Variants in AKAP3 observed in about 807,000 individuals in gnomAD.
The protein encoded by AKAP3 is A-kinase anchoring protein 3.
In AKAP3, 27 loss-of-function variants were observed where a neutral mutation model predicts 57.2. The observed-to-expected ratio is 0.47, with a 90% CI of 0.35 to 0.65. The LOEUF (loss-of-function observed/expected upper bound fraction) is 0.65. AKAP3 is among the 30% of genes least tolerant of loss of function. AKAP3 has a pLI of 0.01. For synonymous variants in AKAP3, 334 were observed against 392.3 expected, an observed-to-expected ratio of 0.85 and a Z score of 1.76; for missense variants, 959 against 1,040.0, an observed-to-expected ratio of 0.92 and a Z score of 1.07.
chr12:4,631,361 G>A, intron 4 of AKAP3: 3 of 700,998 alleles, frequency 4.3e-6, no homozygotes, highest in Non-Finnish European at 7.8e-6. Flanking sequence ...GGAAGGAGAA[G>A]TGCTCCTTGA....
intron 2 of AKAP3, among the ~76,000 whole-genome samples, chr12:4,644,597 G>C (rs958875194): frequency 6.6e-6 from 1 of 152,176 alleles, no homozygotes; most frequent in African/African-American, 2.4e-5. Context: ...TATTTCCAGA[G>C]GACTCACAGG....
At chr12:4,635,464 C>A in intron 4 of AKAP3, 1 of 684,952 alleles carries the variant, frequency 1.5e-6, no homozygotes, top group Non-Finnish European at 2.6e-6. Context: ...TTAGCTATTG[C>A]CACGAACATT....
At position 4,626,725 on chromosome 12, in the gene AKAP3, G is replaced by C; in HGVS notation, c.2177C>G (p.Ala726Gly). The C allele has an allele frequency of 6.2e-7, 1 of 1,614,088 alleles. No individual in the cohort carries two copies. The highest frequency in any genetic ancestry group is 2.2e-5 in the East Asian group (1 of 44,884). The change falls in exon 5 of 6, where the codon GCA (alanine) becomes GGA (glycine). Residue 726 changes from alanine to glycine, a missense_variant. By Grantham distance (60) the Ala-to-Gly change is moderately conservative. Coordinates refer to ENST00000228850, the MANE Select transcript of AKAP3 (RefSeq NM_001278309.2). Reference protein sequence around the residue: ...ECLPAKGTGSAEAVLQNAYQA... With the variant: ...ECLPAKGTGSGEAVLQNAYQA... ...ATAGGCATTCTGCAGGACAGCTTCT[G>C]CTGACCCTGTGCCCTTGGCTGGTAA...
At chr12:4,634,656 ACTAT>A (rs1230153256) in intron 4 of AKAP3, among the ~76,000 whole-genome samples, 1 of 152,020 alleles carries the variant, frequency 6.6e-6, no homozygotes, top group East Asian at 1.9e-4. Context: ...TGAAAGGAAC[ACTAT>A]CTATTAAGAT....
At position 4,627,063 on chromosome 12, in the gene AKAP3, A is replaced by G. The variant is rs1227678551; in HGVS notation, c.1839T>C (p.Pro613=). 3 of 1,614,092 alleles carry G rather than the reference A, an allele frequency of 1.9e-6. No homozygotes were observed. Among genetic ancestry groups the G allele is most frequent in the African/African-American group, 1.3e-5 (1 of 75,048 alleles). ...SETIFKRDQS[P]EPKVPEQPVK... is the part of the protein sequence containing the mutation. ...CTGGCTGTTCCGGCACCTTGGGTTC[A>G]GGGCTCTGGTCACGCTTGAAAATGG... Residue 613 remains proline (P), a synonymous_variant, in exon 5 of 6, where the codon CCT becomes CCC. Transcript: ENST00000228850.
chr12:4,615,681 G>T lies in AKAP3; in HGVS notation c.*58C>A. The T allele has an allele frequency of 6.4e-7, 1 of 1,573,382 alleles. No individual in the cohort carries two copies. Among genetic ancestry groups the T allele is most frequent in the Non-Finnish European group, 8.7e-7 (1 of 1,155,804 alleles). On this transcript the variant is annotated 3_prime_UTR_variant, in exon 6 of 6. Coordinates refer to ENST00000228850, the MANE Select transcript of AKAP3 (RefSeq NM_001278309.2). ...GGGGAGATGTGGAAGTGAGAAAGAA[G>T]GGCGGGGATAAGGGCCGGCCCCACT...
At position 4,648,877 on chromosome 12, in the gene AKAP3, C is replaced by A; in HGVS notation, c.-377G>T. ...ACTGGTTAACTCTGAACTTCAGGTT[C>A]CTCGGCAATTAGAGATTATAAATAG... On this transcript the variant is annotated 5_prime_UTR_variant, in exon 1 of 6. Transcript: ENST00000228850. The A allele has an allele frequency of 2.0e-6, 1 of 508,798 alleles. No individual in the cohort carries two copies. Among genetic ancestry groups the A allele is most frequent in the Non-Finnish European group, 3.5e-6 (1 of 288,528 alleles). 31.5% of individuals were successfully genotyped at this position (508,798 alleles called of 1,614,324 possible).
At position 4,638,198 on chromosome 12, in the gene AKAP3, T is replaced by C. The variant is rs1435775498; in HGVS notation, c.1-2A>G. On this transcript the variant is annotated splice_acceptor_variant, in intron 3 of 5. Coordinates refer to ENST00000228850, the MANE Select transcript of AKAP3 (RefSeq NM_001278309.2). LOFTEE classifies it low-confidence loss of function (5UTR_SPLICE). ...TAACCAGTCAACCTTTTCTGACATC[T>C]GGAAGCAGGGGAAAAAAATGAGAAA... is the stretch of plus-strand genomic sequence containing the variant. 6.3e-7 allele frequency: 1 copy of C among 1,599,326 alleles called. No individual in the cohort carries two copies. Among genetic ancestry groups the C allele is most frequent in the Non-Finnish European group, 8.5e-7 (1 of 1,172,144 alleles).
intron 3 of AKAP3, among the ~76,000 whole-genome samples, chr12:4,638,697 G>A (rs1945596629): frequency 6.6e-6 from 1 of 152,190 alleles, no homozygotes; most frequent in Non-Finnish European, 1.5e-5. Context: ...AAGTCTGGTA[G>A]CTCTTTCTTA....
chr12:4,634,902 A>G (rs1945544634), intron 4 of AKAP3, among the ~76,000 whole-genome samples: 1 of 152,220 alleles, frequency 6.6e-6, no homozygotes, highest in Non-Finnish European at 1.5e-5. Flanking sequence ...ATTTGCCTGA[A>G]TACTATGGCT....
chr12:4,626,632 A>C lies in AKAP3; in HGVS notation c.2270T>G (p.Val757Gly), dbSNP rs1565551164. ...CGTTAGGTTGTGATTGCTGACAATC[A>C]CCGTGGGTGCTGCACACCCTTCAGG... The part of the protein sequence containing the change: ...QPPEGCAAPT[V>G]IVSNHNLTDT... Residue 757 changes from valine to glycine, a missense_variant, in exon 5 of 6, where the codon GTG becomes GGG. Transcript: ENST00000228850. 17 of 1,614,054 alleles carry C rather than the reference A, an allele frequency of 1.1e-5. No individual in the cohort carries two copies. The highest frequency in any genetic ancestry group is 1.4e-5 in the Non-Finnish European group (17 of 1,180,014).
intron 4 of AKAP3, among the ~76,000 whole-genome samples, chr12:4,633,816 T>C (rs760456654): frequency 2.0e-5 from 3 of 150,320 alleles, no homozygotes; most frequent in Non-Finnish European, 3.0e-5. Flanking sequence ...ACATACCTTA[T>C]AAAATTTTCT....
chr12:4,616,030 G>GT (rs1945281242), intron 5 of AKAP3, 136 bp from the exon 6 acceptor site: 2 of 1,044,862 alleles, frequency 1.9e-6, no homozygotes, highest in African/African-American at 3.2e-5. Context: ...TTGCTGGCCT[G>GT]TTTAACAGAA....
rs143324716 is a variant in AKAP3, at chr12:4,624,824, G to GTGTGTGTGTGTGTGTGTA, written c.2406+1671_2406+1672insTACACACACACACACACA. Among the ~76,000 whole-genome samples, 51 of 141,096 alleles carry GTGTGTGTGTGTGTGTGTA rather than the reference G, an allele frequency of 3.6e-4. No homozygotes were observed. The East Asian group carries it at 6.6e-3, about 18-fold the overall frequency. The allele number at this position is 141,096 out of a possible 152,430, so 92.6% of individuals were successfully genotyped here. A position where few individuals can be genotyped will look rare whatever the true frequency, so the allele number is the denominator to read the frequency against. On this transcript the variant is annotated intron_variant, in intron 5 of 5. Transcript: ENST00000228850. Reference sequence around the variant, plus strand: ...AGTAGACAAAGGTGTGTGTGTGTGTGTATATAAAAGTGGGGGACTGCAAGT... The same window carrying GTGTGTGTGTGTGTGTGTA: ...AGTAGACAAAGGTGTGTGTGTGTGTGTGTGTGTGTGTGTGTGTATATATAAAAGTGGGGGACTGCAAGT...
Position 4,635,781 on chromosome 12 carries a change from A to G in AKAP3, c.96+2320T>C, listed in dbSNP as rs1323336407. 3 of 710,668 alleles carry G rather than the reference A, an allele frequency of 4.2e-6. No homozygotes were observed. The African/African-American group carries it at 5.3e-5, about 13-fold the overall frequency. 44.0% of individuals were successfully genotyped at this position (710,668 alleles called of 1,614,324 possible). ...CCAGCTGTATCCTGTATTTCAAACT[A>G]TACTGTAGTGTCATCAAGACACACA... On this transcript the variant is annotated intron_variant, in intron 4 of 5. Coordinates refer to ENST00000228850, the MANE Select transcript of AKAP3 (RefSeq NM_001278309.2).
rs752689869 is a variant in AKAP3 at position 4,627,574 on chromosome 12, T to C, written c.1328A>G (p.Glu443Gly). The C allele has an allele frequency of 3.1e-6, 5 of 1,614,156 alleles. No homozygotes were observed. Among genetic ancestry groups the C allele is most frequent in the South Asian group, 1.1e-5 (1 of 91,086 alleles). Residue 443 changes from glutamate (E) to glycine (G), a missense_variant, in exon 5 of 6, where the codon GAG becomes GGG. Coordinates refer to ENST00000228850, the MANE Select transcript of AKAP3 (RefSeq NM_001278309.2). ...KMYSEPKSEE[E>G]TCAKTLGEHI... Reference sequence around the variant, plus strand: ...CTCACCCAGAGTTTTCGCACAAGTCTCCTCCTCTGATTTGGGTTCAGAATA... The same window carrying C: ...CTCACCCAGAGTTTTCGCACAAGTCCCCTCCTCTGATTTGGGTTCAGAATA...
Position 4,627,197 on chromosome 12 carries a change from C to T in AKAP3, c.1705G>A (p.Asp569Asn), listed in dbSNP as rs773529110. The change falls in exon 5 of 6, where the codon GAT becomes AAT. Residue 569 changes from aspartate to asparagine, a missense_variant. Transcript: ENST00000228850. The part of the protein sequence containing the change: ...FPANEPPVAP[D>N]ESCLKSAPIV... ...GGAGCAGACTTAAGGCAAGATTCAT[C>T]GGGAGCTACAGGAGGTTCATTGGCA... The T allele has an allele frequency of 4.3e-5, 70 of 1,613,940 alleles. No homozygotes were observed. The highest frequency in any genetic ancestry group is 5.3e-5 in the African/African-American group (4 of 74,896).
Position 4,647,034 on chromosome 12 carries a change from C to T in AKAP3, c.-245+1711G>A, listed in dbSNP as rs577529377. On this transcript the variant is annotated intron_variant, in intron 1 of 5. Coordinates refer to ENST00000228850, the MANE Select transcript of AKAP3 (RefSeq NM_001278309.2). ...CTGACCTCAAGTGATCCGCCTGCCT[C>T]GACCTCCCAAAGTGCTGGGATTACA... 5.3e-4 allele frequency among the ~76,000 whole-genome samples: 81 copies of T among 152,192 alleles called. No individual in the cohort carries two copies. In the Middle Eastern group the frequency reaches 0.014, roughly 26 times the overall value.
At position 4,628,013 on chromosome 12, in the gene AKAP3, T is replaced by C; in HGVS notation, c.889A>G (p.Met297Val). 6.2e-7 allele frequency: 1 copy of C among 1,614,066 alleles called. No homozygotes were observed. Among genetic ancestry groups the C allele is most frequent in the Non-Finnish European group, 8.5e-7 (1 of 1,179,980 alleles). Residue 297 changes from methionine (M) to valine (V), a missense_variant, in exon 5 of 6, where the codon ATG (methionine) becomes GTG (valine). Physicochemically the swap from Met to Val is conservative, Grantham distance 21. Coordinates refer to ENST00000228850, the MANE Select transcript of AKAP3 (RefSeq NM_001278309.2). The stretch of plus-strand genomic sequence containing the variant: ...TTCAGTGTCTTCATGATGGAGACCA[T>C]CATATCAGATACCACACTGTTAGCA... Reference protein sequence around the residue: ...TYANSVVSDMMVSIMKTLKIQ... With the variant: ...TYANSVVSDMVVSIMKTLKIQ...
Sources: allele counts gnomAD v4.1 joint callset (sites outside exome capture counted in the v4.1 genomes callset), GRCh38; gene constraint gnomAD v4.1.1; transcripts MANE v1.5; gene names NCBI Gene and HGNC (gene_info 2026-07-23, HGNC 2026-07-21).